Variants in NEDD4 observed in about 807,000 individuals in gnomAD.
NEDD4 encodes the protein NEDD4 E3 ubiquitin protein ligase, also known as E3 ubiquitin-protein ligase NEDD4.
Under a neutral mutation model 144.9 loss-of-function variants are expected in NEDD4, and 99 were observed. That is an observed-to-expected ratio of 0.68 (90% CI 0.58 to 0.81). NEDD4 has a LOEUF of 0.81. Ranked by LOEUF, NEDD4 falls within the 30% of genes least tolerant of loss-of-function variation. NEDD4 has a pLI of 0.00. For missense variants in NEDD4, 985 were observed against 1,065.9 expected, an observed-to-expected ratio of 0.92 and a Z score of 1.06; for synonymous variants, 318 against 350.6, an observed-to-expected ratio of 0.91 and a Z score of 1.04.
At chr15:55,868,760 C>G (rs1232137216) in intron 8 of NEDD4, among the ~76,000 whole-genome samples, 2 of 152,144 alleles carry the variant, frequency 1.3e-5, no homozygotes, top group Non-Finnish European at 2.9e-5. Context: ...AATGATACTT[C>G]TTTTTGATGA....
chr15:55,915,733 CACAG>C (rs769027125), intron 5 of NEDD4: 3 of 1,613,788 alleles, frequency 1.9e-6, no homozygotes, highest in Admixed American at 3.3e-5. Context: ...GATGACTTTT[CACAG>C]ACAGTCTGTC....
intron 4 of NEDD4, among the ~76,000 whole-genome samples, chr15:55,932,632 C>G (rs1381155278): frequency 6.6e-6 from 1 of 152,126 alleles, no homozygotes; most frequent in Non-Finnish European, 1.5e-5. Context: ...GACTAAAACA[C>G]CAAAAGCAAT....
intron 18 of NEDD4, among the ~76,000 whole-genome samples, chr15:55,842,968 G>C (rs1362444128): frequency 6.6e-6 from 1 of 152,190 alleles, no homozygotes; most frequent in Non-Finnish European, 1.5e-5. Context: ...ATCTCCATGT[G>C]TCATGGGAAG....
rs775067047 is a variant in NEDD4, at chr15:55,852,472, A to G, written c.1098T>C (p.Tyr366=). The change falls in exon 13 of 29, where the codon TAT becomes TAC. Residue 366 remains tyrosine (Y), a synonymous_variant. Coordinates refer to ENST00000435532, the MANE Select transcript of NEDD4 (RefSeq NM_006154.4). ...TAGTCGTTCTGGAATTGTGATCTAC[A>G]TAATATGATCTTCCTCTTTCATCTT... ...EKQDERGRSY[Y]VDHNSRTTTW... 1.2e-6 allele frequency: 2 copies of G among 1,613,172 alleles called. No homozygotes were observed. The highest frequency in any genetic ancestry group is 1.7e-6 in the Non-Finnish European group (2 of 1,179,500).
intron 4 of NEDD4, among the ~76,000 whole-genome samples, chr15:55,925,847 C>A (rs1320164992): frequency 6.6e-6 from 1 of 151,982 alleles, no homozygotes; most frequent in Non-Finnish European, 1.5e-5. Flanking sequence ...TGAAGTACAA[C>A]ACATATTCAA....
intron 14 of NEDD4, among the ~76,000 whole-genome samples, chr15:55,849,137 C>T (rs545962462): frequency 3.3e-5 from 5 of 152,294 alleles, no homozygotes; most frequent in South Asian, 2.1e-4. Context: ...TCTTTTGCCC[C>T]GCTCTTTAGG....
At chr15:55,859,184 T>G (rs1447856182) in intron 11 of NEDD4, among the ~76,000 whole-genome samples, 2 of 152,184 alleles carry the variant, frequency 1.3e-5, no homozygotes, top group African/African-American at 2.4e-5. Context: ...GAGAATAATC[T>G]TTGTCTTCTA....
At chr15:55,943,416 T>A (rs2037044895) in intron 4 of NEDD4, among the ~76,000 whole-genome samples, 1 of 152,176 alleles carries the variant, frequency 6.6e-6, no homozygotes, top group Non-Finnish European at 1.5e-5. Context: ...CCCAGGGCCC[T>A]GCTGCCCTAC....
chr15:55,892,326 A>C (rs2035598635), intron 5 of NEDD4, among the ~76,000 whole-genome samples: 1 of 149,870 alleles, frequency 6.7e-6, no homozygotes, highest in South Asian at 2.1e-4. Context: ...ATAAATAATA[A>C]ATATGAATTA....
chr15:55,879,925 A>G (rs2035123989), intron 5 of NEDD4, among the ~76,000 whole-genome samples: 1 of 152,190 alleles, frequency 6.6e-6, no homozygotes, highest in Non-Finnish European at 1.5e-5. Context: ...GAAAGAAAAG[A>G]GGAAAGGGAG....
intron 14 of NEDD4, 55 bp downstream of exon 14, chr15:55,850,487 A>G (rs1211652502): frequency 9.0e-5 from 138 of 1,531,832 alleles, no homozygotes; most frequent in Non-Finnish European, 1.1e-4. Context: ...AAGGAACTAT[A>G]CATAAGAGAT....
rs1405960822 is a variant in NEDD4 at position 55,986,575 on chromosome 15, C to A, written c.45+6936G>T. Reference sequence around the variant, plus strand: ...AAACATCGTAGGATGTAAGGCCTGTCCTTGCTTTTTTTTTTTTTTTTTTTT... The same window carrying A: ...AAACATCGTAGGATGTAAGGCCTGTACTTGCTTTTTTTTTTTTTTTTTTTT... On this transcript the variant is annotated intron_variant, in intron 1 of 28. Coordinates refer to ENST00000435532, the MANE Select transcript of NEDD4 (RefSeq NM_006154.4). Among the ~76,000 whole-genome samples, 4 of 143,392 alleles carry A rather than the reference C, an allele frequency of 2.8e-5. No homozygotes were observed. The East Asian group carries it at 8.5e-4, about 31-fold the overall frequency. The allele number at this position is 143,392 out of a possible 152,430, so 94.1% of individuals were successfully genotyped here.
chr15:55,861,132 T>C (rs1378112991), intron 9 of NEDD4, among the ~76,000 whole-genome samples: 1 of 152,218 alleles, frequency 6.6e-6, no homozygotes, highest in Admixed American at 6.5e-5. Context: ...TATTTTGCCA[T>C]GTTATTATAA....
chr15:55,916,134 G>C, intron 5 of NEDD4: 2 of 1,613,886 alleles, frequency 1.2e-6, no homozygotes, highest in Non-Finnish European at 8.5e-7. Flanking sequence ...AAAAGGATCT[G>C]TACTTGTACT....
chr15:55,904,129 T>C (rs1306619216), intron 5 of NEDD4, among the ~76,000 whole-genome samples: 1 of 151,742 alleles, frequency 6.6e-6, no homozygotes, highest in Non-Finnish European at 1.5e-5. Context: ...ACAACTGCAC[T>C]CCAGGGACAA....
chr15:55,917,105 G>A, intron 5 of NEDD4: 2 of 1,179,890 alleles, frequency 1.7e-6, no homozygotes, highest in South Asian at 3.3e-5. Flanking sequence ...GATTTCCAGC[G>A]ACCTTTAAGC....
At chr15:55,848,283 T>C in intron 17 of NEDD4, 89 bp downstream of exon 17, 1 of 1,237,236 alleles carries the variant, frequency 8.1e-7, no homozygotes, top group Non-Finnish European at 1.2e-6. Context: ...TTCCTCTCAA[T>C]GCCTGTAGGG....
intron 5 of NEDD4, among the ~76,000 whole-genome samples, chr15:55,908,854 A>C (rs2036182558): frequency 6.6e-6 from 1 of 152,158 alleles, no homozygotes; most frequent in African/African-American, 2.4e-5. Context: ...AGCTTGTGTA[A>C]CATAATGAGA....
At chr15:55,958,810 T>C (rs2037380653) in intron 2 of NEDD4, among the ~76,000 whole-genome samples, 1 of 151,892 alleles carries the variant, frequency 6.6e-6, no homozygotes, top group African/African-American at 2.4e-5. Context: ...TGATACAAAA[T>C]TGTACAAAAT....
Sources: gnomAD v4.1 joint callset for allele counts (sites outside exome capture counted in the v4.1 genomes callset) on GRCh38, gnomAD v4.1.1 for gene constraint, MANE v1.5 for transcripts, NCBI Gene and HGNC (gene_info 2026-07-23, HGNC 2026-07-21) for gene names.